Variants in TRIO observed in about 807,000 individuals in gnomAD.
TRIO encodes the protein trio Rho guanine nucleotide exchange factor, also known as triple functional domain protein.
In TRIO, 58 loss-of-function variants were observed where a neutral mutation model predicts 351.9. That is an observed-to-expected ratio of 0.16 (90% CI 0.13 to 0.21). TRIO has a LOEUF of 0.21. Among genes scored for constraint, TRIO ranks in the 10% least tolerant of loss-of-function variants. The pLI is 1.00. For missense variants in TRIO, 3,201 were observed against 4,027.8 expected, an observed-to-expected ratio of 0.79 and a Z score of 5.56; for synonymous variants, 1,758 against 1,595.7, an observed-to-expected ratio of 1.10 and a Z score of -2.42.
At chr5:14,443,863 G>A (rs1294178546) in intron 34 of TRIO, among the ~76,000 whole-genome samples, 1 of 152,218 alleles carries the variant, frequency 6.6e-6, no homozygotes, top group African/African-American at 2.4e-5. Context: ...CAATGGGAGA[G>A]CCTAGTTCTA....
intron 33 of TRIO, among the ~76,000 whole-genome samples, chr5:14,415,827 T>G (rs1482709339): frequency 2.0e-5 from 3 of 152,164 alleles, no homozygotes; most frequent in African/African-American, 7.2e-5. Flanking sequence ...CCCTGGCCCC[T>G]GGTCCAATTA....
chr5:14,297,049 C>G (rs1463744756), intron 6 of TRIO, 23 bp from the exon 7 acceptor site: 6 of 1,599,442 alleles, frequency 3.8e-6, no homozygotes, highest in Non-Finnish European at 5.1e-6. Flanking sequence ...CTAAGGAGCC[C>G]TCTTTTCCTG....
Position 14,207,642 on chromosome 5 carries a change from G to A in TRIO, c.158-63183G>A, listed in dbSNP as rs1047348389. Among the ~76,000 whole-genome samples the A allele has an allele frequency of 9.9e-5, 15 of 151,968 alleles. No homozygotes were observed. In the East Asian group the frequency reaches 2.3e-3, roughly 24 times the overall value. On this transcript the variant is annotated intron_variant, in intron 1 of 56. Transcript: ENST00000344204. ...GGATTGCTTCAGCCCAGCAGTTCAAGGTTACAGTGAGCTGTGATCGTGCCA... is the reference window on the plus strand; with the variant it reads ...GGATTGCTTCAGCCCAGCAGTTCAAAGTTACAGTGAGCTGTGATCGTGCCA...
chr5:14,403,273 TGTGGTGAGGGTGTAGGTTGTG>T (rs1561447431), intron 31 of TRIO, among the ~76,000 whole-genome samples: 12 of 82,176 alleles, frequency 1.5e-4, no homozygotes, highest in Non-Finnish European at 2.4e-4. Flanking sequence ...GGGTGCAGGT[TGTGGTGAGGGTGTAGGTTGTG>T]GTGGTGAGGG....
intron 54 of TRIO, 62 bp downstream of exon 54, chr5:14,502,719 A>T (rs906924959): frequency 2.0e-6 from 3 of 1,508,396 alleles, no homozygotes; most frequent in African/African-American, 2.7e-5. Flanking sequence ...CATACCAGAG[A>T]GTGCAGGGAT....
rs10064105 is a variant in TRIO, at chr5:14,381,010, A to G, written c.3448-120A>G. The G allele has an allele frequency of 0.062, 81,359 of 1,312,992 alleles. 2,793 individuals carry two copies. The highest frequency in any genetic ancestry group is 0.089 in the Middle Eastern group (406 of 4,558). 81.3% of individuals were successfully genotyped at this position (1,312,992 alleles called of 1,614,324 possible). A position where few individuals can be genotyped will look rare whatever the true frequency, so the allele number is the denominator to read the frequency against. On this transcript the variant is annotated intron_variant, in intron 20 of 56. Transcript: ENST00000344204. ...AAGAAACTTGCCTCTCTGGGAGGGA[A>G]TGCTTCTCGATGCTGCCAGCCTTGG...
At chr5:14,298,950 C>T (rs187209984) in intron 7 of TRIO, among the ~76,000 whole-genome samples, 1 of 152,312 alleles carries the variant, frequency 6.6e-6, no homozygotes, top group East Asian at 1.9e-4. Context: ...GCAATACCCT[C>T]GATCATTTGG....
intron 1 of TRIO, among the ~76,000 whole-genome samples, chr5:14,231,742 G>C (rs1326471174): frequency 2.3e-4 from 35 of 152,100 alleles, no homozygotes; most frequent in Non-Finnish European, 1.5e-5. Flanking sequence ...GTTATAGAAA[G>C]TTACGTATTT....
intron 1 of TRIO, among the ~76,000 whole-genome samples, chr5:14,206,442 T>C (rs1791463775): frequency 6.6e-6 from 1 of 152,244 alleles, no homozygotes; most frequent in African/African-American, 2.4e-5. Context: ...CTTGCTCTTG[T>C]CTTGAGGACT....
intron 34 of TRIO, among the ~76,000 whole-genome samples, chr5:14,422,479 G>C (rs1266766281): frequency 2.6e-5 from 4 of 152,048 alleles, no homozygotes; most frequent in Admixed American, 2.6e-4. Context: ...TGCCTATTAA[G>C]GTCAAATGAC....
intron 20 of TRIO, 120 bp downstream of exon 20, chr5:14,378,247 AT>A: frequency 6.0e-6 from 4 of 671,750 alleles, no homozygotes; most frequent in Non-Finnish European, 2.5e-6. Context: ...GACAAACAGT[AT>A]AGCCTTCTAG....
chr5:14,199,187 G>C (rs910637518), intron 1 of TRIO, among the ~76,000 whole-genome samples: 1 of 111,580 alleles, frequency 9.0e-6, no homozygotes, highest in Non-Finnish European at 1.8e-5. Context: ...GGGCAACAGA[G>C]TGGGACTCAA....
chr5:14,264,291 A>G (rs1489929064), intron 1 of TRIO, among the ~76,000 whole-genome samples: 1 of 152,160 alleles, frequency 6.6e-6, no homozygotes, highest in East Asian at 1.9e-4. Flanking sequence ...TTAATAAAAA[A>G]TAAACTACTT....
chr5:14,492,773 C>T lies in TRIO; in HGVS notation c.7839C>T (p.His2613=), dbSNP rs765530129. 4.0e-5 allele frequency: 65 copies of T among 1,614,036 alleles called. No individual in the cohort carries two copies. The highest frequency in any genetic ancestry group is 3.0e-4 in the Admixed American group (18 of 60,000). Residue 2613 remains histidine, a synonymous_variant, in exon 49 of 57, where the codon CAC becomes CAT. Coordinates refer to ENST00000344204, the MANE Select transcript of TRIO (RefSeq NM_007118.4). ...EGWIPGFVLG[H]TSAVIVENPD... ...GGATTCCAGGCTTTGTCCTGGGCCA[C>T]ACCAGTGCAGTCATCGTGGAGAACC...
intron 28 of TRIO, among the ~76,000 whole-genome samples, chr5:14,394,543 A>T (rs956472900): frequency 2.6e-5 from 4 of 152,184 alleles, no homozygotes; most frequent in Non-Finnish European, 5.9e-5. Flanking sequence ...CACCACTCAA[A>T]CACGTTAACA....
At chr5:14,505,956 GC>G (rs1757648277) in intron 55 of TRIO, among the ~76,000 whole-genome samples, 1 of 152,214 alleles carries the variant, frequency 6.6e-6, no homozygotes, top group South Asian at 2.1e-4. Context: ...CCTCTCATCG[GC>G]TCATTTCTCA....
At position 14,143,537 on chromosome 5, in the gene TRIO, C is replaced by A. The variant is rs1448154597; in HGVS notation, c.-189C>A. 1.4e-5 allele frequency among the ~76,000 whole-genome samples: 2 copies of A among 147,280 alleles called. No homozygotes were observed. The highest frequency in any genetic ancestry group is 2.0e-4 in the East Asian group (1 of 5,022). ...GCTCGCGGCTACCGGGCGGAGTCCT[C>A]GTCTATGTGGGCGCGCTCCTTGGGC... On this transcript the variant is annotated 5_prime_UTR_variant, in exon 1 of 57. Coordinates refer to ENST00000344204, the MANE Select transcript of TRIO (RefSeq NM_007118.4).
chr5:14,488,150 T>TC lies in TRIO; in HGVS notation c.7525dup (p.Leu2509ProfsTer16). 6.2e-7 allele frequency: 1 copy of TC among 1,606,372 alleles called. No homozygotes were observed. The highest frequency in any genetic ancestry group is 8.5e-7 in the Non-Finnish European group (1 of 1,179,458). On this transcript the variant is annotated frameshift_variant, in exon 48 of 57. Transcript: ENST00000344204. LOFTEE classifies it high-confidence loss of function. ...CTTCACCTTCCCGGGGGACAGCGAC[T>TC]CCCTCCAGCGGCAGACACCCCGCCA...
At chr5:14,332,174 C>T (rs1234541088) in intron 10 of TRIO, among the ~76,000 whole-genome samples, 1 of 152,184 alleles carries the variant, frequency 6.6e-6, no homozygotes, top group Non-Finnish European at 1.5e-5. Flanking sequence ...TCTTTTCTGC[C>T]TATCCCCCTG....
Sources: allele counts gnomAD v4.1 joint callset (sites outside exome capture counted in the v4.1 genomes callset), GRCh38; gene constraint gnomAD v4.1.1; transcripts MANE v1.5; gene names NCBI Gene and HGNC (gene_info 2026-07-23, HGNC 2026-07-21).